AFF3: variants seen among roughly 807,000 people sequenced by gnomAD.
AFF3 encodes the protein AF4/FMR2 family member 3.
AFF3 carries 32 observed loss-of-function variants against 129.7 expected under a neutral mutation model. The observed-to-expected ratio is 0.25, with a 90% CI of 0.19 to 0.33. The LOEUF is 0.33. Ranked by LOEUF, AFF3 falls within the 10% of genes least tolerant of loss-of-function variation. The pLI is 1.00. For synonymous variants in AFF3, 644 were observed against 635.4 expected (o/e 1.01, Z -0.20); for missense variants, 1,373 against 1,592.0 (o/e 0.86, Z 2.34).
chr2:99,854,493 C>T (rs1336612690), intron 7 of AFF3, among the ~76,000 whole-genome samples: 3 of 152,134 alleles, frequency 2.0e-5, no homozygotes, highest in East Asian at 3.8e-4. Flanking sequence ...AAATAAACAA[C>T]GTGGGTAAAA....
intron 7 of AFF3, among the ~76,000 whole-genome samples, chr2:99,860,599 G>GCACA (rs1690912956): frequency 6.6e-6 from 1 of 151,890 alleles, no homozygotes; most frequent in African/African-American, 2.4e-5. Flanking sequence ...GTGGTGGTGT[G>GCACA]CGCCTGTAAT....
chr2:99,879,881 C>T (rs534119637), intron 7 of AFF3, among the ~76,000 whole-genome samples: 55 of 152,314 alleles, frequency 3.6e-4, no homozygotes, highest in African/African-American at 1.3e-3. Flanking sequence ...TGAGTATCAG[C>T]TATCACTGTA....
intron 3 of AFF3, chr2:100,104,871 G>T (rs1189723502): frequency 5.0e-6 from 2 of 399,802 alleles, no homozygotes; most frequent in Non-Finnish European, 6.7e-6. Context: ...CGGGAGGCGC[G>T]TGTGCGCGGG....
intron 7 of AFF3, among the ~76,000 whole-genome samples, chr2:99,864,876 C>A (rs182187025): frequency 1.3e-5 from 2 of 152,296 alleles, no homozygotes; most frequent in East Asian, 3.9e-4. Flanking sequence ...ATGAAGACCT[C>A]ACAAAATTCA....
At chr2:99,730,296 C>T (rs550893318) in intron 10 of AFF3, among the ~76,000 whole-genome samples, 18 of 152,070 alleles carry the variant, frequency 1.2e-4, no homozygotes, top group African/African-American at 1.2e-4. Context: ...ACCTTTTTAA[C>T]GCAATGTACA....
chr2:99,827,027 A>G (rs1054237535), intron 8 of AFF3, among the ~76,000 whole-genome samples: 1 of 152,164 alleles, frequency 6.6e-6, no homozygotes, highest in Non-Finnish European at 1.5e-5. Flanking sequence ...GAAGAACCCA[A>G]CAGCATGGAC....
chr2:99,955,675 G>A (rs1010101837), intron 7 of AFF3, among the ~76,000 whole-genome samples: 2 of 152,146 alleles, frequency 1.3e-5, no homozygotes, highest in Admixed American at 1.3e-4. Context: ...ATAACATTCT[G>A]CAGAAAGAGT....
chr2:99,904,885 T>C (rs1694601752), intron 7 of AFF3, among the ~76,000 whole-genome samples: 1 of 152,112 alleles, frequency 6.6e-6, no homozygotes, highest in South Asian at 2.1e-4. Flanking sequence ...CCCATATTGC[T>C]GGTGCTTGCA....
intron 12 of AFF3, among the ~76,000 whole-genome samples, chr2:99,652,891 T>G (rs866329125): frequency 2.4e-4 from 36 of 152,190 alleles, no homozygotes; most frequent in Admixed American, 8.5e-4. Context: ...ACAGATCTAC[T>G]GATCTTCTTG....
At chr2:100,074,352 CAAAGGGA>C (rs1235416701) in intron 4 of AFF3, among the ~76,000 whole-genome samples, 1 of 152,178 alleles carries the variant, frequency 6.6e-6, no homozygotes, top group Non-Finnish European at 1.5e-5. Context: ...TGTGTTCTCC[CAAAGGGA>C]GCTGGTCCGC....
chr2:99,926,342 G>A (rs1162934589), intron 7 of AFF3, among the ~76,000 whole-genome samples: 2 of 152,216 alleles, frequency 1.3e-5, no homozygotes, highest in African/African-American at 4.8e-5. Context: ...GTACACTGGA[G>A]TGGAAGCCCG....
chr2:99,662,861 C>T (rs1190978533), intron 12 of AFF3, among the ~76,000 whole-genome samples: 1 of 152,140 alleles, frequency 6.6e-6, no homozygotes, highest in Non-Finnish European at 1.5e-5. Flanking sequence ...GAATGTCACG[C>T]TGACTGGATG....
At chr2:99,968,192 C>T (rs1204776440) in intron 7 of AFF3, among the ~76,000 whole-genome samples, 1 of 152,254 alleles carries the variant, frequency 6.6e-6, no homozygotes, top group Non-Finnish European at 1.5e-5. Context: ...TCTATGCCTA[C>T]ATGACCTTTG....
At chr2:99,750,703 C>T (rs2105193623) in intron 9 of AFF3, among the ~76,000 whole-genome samples, 1 of 152,240 alleles carries the variant, frequency 6.6e-6, no homozygotes, top group East Asian at 1.9e-4. Context: ...AGGTTTGGGC[C>T]AACACGCCTG....
chr2:99,736,423 C>T (rs1334121695), intron 10 of AFF3, among the ~76,000 whole-genome samples: 2 of 152,066 alleles, frequency 1.3e-5, no homozygotes, highest in Non-Finnish European at 2.9e-5. Flanking sequence ...ACATATCATG[C>T]TTTTTTATCA....
In AFF3 at chr2:99,837,610, C is replaced by CG. The variant is rs5832886; in HGVS notation, c.874-87_874-86insC. ...ATGCAAGGTTCCAAATTAGTCCCCC[C>CG]CAACAAAAAAATTCAGCGAGTTACA... On this transcript the variant is annotated intron_variant, in intron 7 of 24. Transcript: ENST00000672756. The CG allele has an allele frequency of 8.9e-5, 112 of 1,264,338 alleles. No individual in the cohort carries two copies. In the African/African-American group the frequency reaches 1.6e-3, roughly 18 times the overall value. The allele number at this position is 1,264,338 out of a possible 1,614,324, so 78.3% of individuals were successfully genotyped here. A position where few individuals can be genotyped will look rare whatever the true frequency, so the allele number is the denominator to read the frequency against.
chr2:99,552,232 A>C (rs1187731809), intron 24 of AFF3, among the ~76,000 whole-genome samples: 1 of 152,106 alleles, frequency 6.6e-6, no homozygotes, highest in Non-Finnish European at 1.5e-5. Flanking sequence ...CTAAAGATAC[A>C]AACAAACATT....
chr2:100,067,892 A>C, intron 4 of AFF3, among the ~76,000 whole-genome samples: 1 of 152,232 alleles, frequency 6.6e-6, no homozygotes, highest in East Asian at 1.9e-4. Context: ...CAACACAAAC[A>C]GAGTGCCAGC....
intron 7 of AFF3, among the ~76,000 whole-genome samples, chr2:99,931,649 CT>C (rs1696678951): frequency 6.6e-6 from 1 of 152,256 alleles, no homozygotes; most frequent in Non-Finnish European, 1.5e-5. Flanking sequence ...TGGCTCACGC[CT>C]GTAATCCCAG....
Sources: gnomAD v4.1 joint callset for allele counts (sites outside exome capture counted in the v4.1 genomes callset) on GRCh38, gnomAD v4.1.1 for gene constraint, MANE v1.5 for transcripts, NCBI Gene and HGNC (gene_info 2026-07-23, HGNC 2026-07-21) for gene names.